The following WWOX variants were observed in gnomAD, a reference collection of about 807,000 sequenced individuals.
WWOX encodes WW domain containing oxidoreductase.
WWOX carries 69 observed loss-of-function variants against 46.2 expected under a neutral mutation model. The ratio of observed to expected loss-of-function variants is 1.49; its 90% confidence interval spans 1.23 to 1.82. The LOEUF (loss-of-function observed/expected upper bound fraction) is 1.82. WWOX is among the 40% of genes most tolerant of loss of function. The pLI is 0.00. For synonymous variants in WWOX, 359 were observed against 202.6 expected (o/e 1.77, Z -6.56); for missense variants, 919 against 542.6 (o/e 1.69, Z -6.89).
intron 8 of WWOX, among the ~76,000 whole-genome samples, chr16:78,650,402 C>T (rs978327254): frequency 4.6e-5 from 7 of 152,132 alleles, no homozygotes; most frequent in Non-Finnish European, 1.0e-4. Flanking sequence ...AATACAGATT[C>T]ATTTTGTCAC....
intron 8 of WWOX, among the ~76,000 whole-genome samples, chr16:78,773,418 G>A (rs567537828): frequency 4.5e-4 from 69 of 152,192 alleles, no homozygotes; most frequent in Non-Finnish European, 6.0e-4. Flanking sequence ...TGGCTGCAGA[G>A]CGCAGACATT....
At chr16:78,212,332 C>T (rs1390730318) in intron 5 of WWOX, among the ~76,000 whole-genome samples, 2 of 152,126 alleles carry the variant, frequency 1.3e-5, no homozygotes, top group South Asian at 2.1e-4. Flanking sequence ...TTTGCATTGG[C>T]GAAAGCAAGT....
intron 8 of WWOX, among the ~76,000 whole-genome samples, chr16:78,666,746 A>T (rs755969706): frequency 3.9e-5 from 6 of 152,126 alleles, no homozygotes; most frequent in Admixed American, 1.3e-4. Context: ...TCCTAATGGG[A>T]CTGTTTGGTT....
At chr16:78,762,493 G>A (rs1373671705) in intron 8 of WWOX, among the ~76,000 whole-genome samples, 1 of 152,200 alleles carries the variant, frequency 6.6e-6, no homozygotes, top group Non-Finnish European at 1.5e-5. Flanking sequence ...AGCCTGTGGT[G>A]AGGCTGCAAA....
intron 5 of WWOX, among the ~76,000 whole-genome samples, chr16:78,372,091 C>T (rs2081703942): frequency 6.6e-6 from 1 of 152,132 alleles, no homozygotes; most frequent in South Asian, 2.1e-4. Flanking sequence ...GGAGACTGGG[C>T]AATGAATCTA....
At chr16:78,514,682 T>C (rs933475027) in intron 8 of WWOX, among the ~76,000 whole-genome samples, 1 of 152,208 alleles carries the variant, frequency 6.6e-6, no homozygotes, top group African/African-American at 2.4e-5. Context: ...AGGCTGGCAA[T>C]TTATTATTAA....
chr16:78,583,212 C>G (rs563888987), intron 8 of WWOX, among the ~76,000 whole-genome samples: 9 of 152,176 alleles, frequency 5.9e-5, no homozygotes, highest in Non-Finnish European at 1.2e-4. Flanking sequence ...GGAGGCTGCT[C>G]TATCCCATGG....
At chr16:78,464,073 C>G (rs1353224651) in intron 8 of WWOX, among the ~76,000 whole-genome samples, 4 of 152,184 alleles carry the variant, frequency 2.6e-5, no homozygotes, top group African/African-American at 9.7e-5. Context: ...ACACCCACAC[C>G]AGTGACAACC....
At chr16:78,231,382 G>C (rs1567443917) in intron 5 of WWOX, among the ~76,000 whole-genome samples, 1 of 152,102 alleles carries the variant, frequency 6.6e-6, no homozygotes, top group Non-Finnish European at 1.5e-5. Context: ...TAATCAACTT[G>C]CAGCTGTGAC....
rs572840903 is a variant in WWOX at position 78,585,256 on chromosome 16, A to G, written c.1056+152504A>G. ...GCAAACTCAGGCTGAATGTTGATCT[A>G]TTTAGGGCCAAGAGAAGACCAGGCC... On this transcript the variant is annotated intron_variant, in intron 8 of 8. Coordinates refer to ENST00000566780, the MANE Select transcript of WWOX (RefSeq NM_016373.4). Among the ~76,000 whole-genome samples, 14 of 152,250 alleles carry G rather than the reference A, an allele frequency of 9.2e-5. No individual in the cohort carries two copies. In the South Asian group the frequency reaches 1.9e-3, roughly 20 times the overall value.
At chr16:78,772,756 C>A (rs2050095011) in intron 8 of WWOX, among the ~76,000 whole-genome samples, 1 of 152,144 alleles carries the variant, frequency 6.6e-6, no homozygotes, top group South Asian at 2.1e-4. Context: ...CGGTGGCTCA[C>A]ACCTGTAATC....
At chr16:78,102,122 T>C (rs755106878) in intron 1 of WWOX, among the ~76,000 whole-genome samples, 4 of 152,148 alleles carry the variant, frequency 2.6e-5, no homozygotes, top group East Asian at 1.9e-4. Context: ...GGTCTCACCA[T>C]GTTGCCCAGG....
intron 5 of WWOX, among the ~76,000 whole-genome samples, chr16:78,359,627 C>G (rs2081367107): frequency 6.6e-6 from 1 of 152,072 alleles, no homozygotes; most frequent in African/African-American, 2.4e-5. Flanking sequence ...ATTTAACATA[C>G]TAAATATTTC....
chr16:78,779,964 C>G (rs1371963024), intron 8 of WWOX, among the ~76,000 whole-genome samples: 1 of 152,176 alleles, frequency 6.6e-6, no homozygotes, highest in East Asian at 1.9e-4. Flanking sequence ...CCAGACCAAG[C>G]CCTTTCTTGT....
At chr16:78,658,238 G>T (rs1377688079) in intron 8 of WWOX, among the ~76,000 whole-genome samples, 1 of 152,066 alleles carries the variant, frequency 6.6e-6, no homozygotes, top group African/African-American at 2.4e-5. Context: ...TTACAGTTTT[G>T]GTTCTTTCCA....
chr16:78,982,737 C>A (rs1045809117), intron 8 of WWOX, among the ~76,000 whole-genome samples: 1 of 152,190 alleles, frequency 6.6e-6, no homozygotes, highest in African/African-American at 2.4e-5. Context: ...CATTTGAATC[C>A]TGCAAACCCT....
intron 8 of WWOX, among the ~76,000 whole-genome samples, chr16:78,910,959 C>G (rs1367687797): frequency 6.6e-6 from 1 of 151,972 alleles, no homozygotes; most frequent in Admixed American, 6.6e-5. Context: ...TTACATATTT[C>G]AAAATAATGT....
intron 8 of WWOX, among the ~76,000 whole-genome samples, chr16:78,489,765 A>G (rs1291955544): frequency 6.6e-6 from 1 of 150,778 alleles, no homozygotes; most frequent in East Asian, 1.9e-4. Flanking sequence ...GAGTTTGGAA[A>G]CCCTCCTAAC....
intron 8 of WWOX, among the ~76,000 whole-genome samples, chr16:78,524,322 C>T (rs539262293): frequency 2.0e-5 from 3 of 152,048 alleles, no homozygotes; most frequent in Non-Finnish European, 4.4e-5. Flanking sequence ...CTGCTGTAAG[C>T]CACTTTCTTC....
Sources: allele counts gnomAD v4.1 joint callset (sites outside exome capture counted in the v4.1 genomes callset), GRCh38; gene constraint gnomAD v4.1.1; transcripts MANE v1.5; gene names NCBI Gene and HGNC (gene_info 2026-07-23, HGNC 2026-07-21).